Variants in DGCR8 observed in about 807,000 individuals in gnomAD.
DGCR8 encodes the protein DGCR8 microprocessor complex subunit, also known as microprocessor complex subunit DGCR8.
In DGCR8, 14 loss-of-function variants were observed where a neutral mutation model predicts 78.5. The ratio of observed to expected loss-of-function variants is 0.18; its 90% CI spans 0.12 to 0.28. The LOEUF is 0.28. Ranked by LOEUF, DGCR8 falls within the 10% of genes least tolerant of loss-of-function variation. DGCR8 has a pLI of 1.00. For synonymous variants in DGCR8, 399 were observed against 402.4 expected (o/e 0.99, Z 0.10); for missense variants, 702 against 1,022.5 (o/e 0.69, Z 4.28).
At chr22:20,083,512 C>T (rs1242418723) in intron 1 of DGCR8, among the ~76,000 whole-genome samples, 1 of 152,056 alleles carries the variant, frequency 6.6e-6, no homozygotes, top group African/African-American at 2.4e-5. Context: ...GGCTTTCCTG[C>T]TGTGCATTTC....
At chr22:20,091,320 A>G (rs1273733991) in intron 5 of DGCR8, 115 bp from the exon 6 acceptor site, 1 of 1,021,802 alleles carries the variant, frequency 9.8e-7, no homozygotes, top group Non-Finnish European at 1.5e-6. Context: ...TTTGAAAGGG[A>G]CGGGGAAAGG....
At chr22:20,106,776 T>G in intron 11 of DGCR8, 78 bp downstream of exon 11, 1 of 1,004,568 alleles carries the variant, frequency 1.0e-6, no homozygotes, top group Non-Finnish European at 1.6e-6. Context: ...TGTGGCTTGG[T>G]CTCAGCTGTT....
At chr22:20,094,394 C>A (rs1374075232) in intron 8 of DGCR8, among the ~76,000 whole-genome samples, 1 of 152,228 alleles carries the variant, frequency 6.6e-6, no homozygotes, top group African/African-American at 2.4e-5. Context: ...GTCCAGGGCC[C>A]GCAAAGCTGT....
chr22:20,089,991 C>T lies in DGCR8; in HGVS notation c.1039C>T (p.Leu347=). Residue 347 remains leucine, a synonymous_variant, in exon 5 of 14, where the codon CTG becomes TTG. Coordinates refer to ENST00000351989, the MANE Select transcript of DGCR8 (RefSeq NM_022720.7). This position sits in a 1 kb window ranked among gnomAD's most constrained non-coding sequence, Gnocchi z 4.9. ...CTATCCACAGAAACACGACCCTCCTCTGAGTAGCATCCCTTGTCTGCATTA... is the reference window on the plus strand; with the variant it reads ...CTATCCACAGAAACACGACCCTCCTTTGAGTAGCATCCCTTGTCTGCATTA... ...TGSIRKHDPP[L]SSIPCLHYKK... The T allele has an allele frequency of 6.2e-7, 1 of 1,612,056 alleles. No individual in the cohort carries two copies. Among genetic ancestry groups the T allele is most frequent in the Non-Finnish European group, 8.5e-7 (1 of 1,178,830 alleles).
intron 8 of DGCR8, 143 bp downstream of exon 8, chr22:20,093,050 G>C: frequency 1.7e-6 from 1 of 603,354 alleles, no homozygotes; most frequent in Non-Finnish European, 2.8e-6. Flanking sequence ...CATCTACTTT[G>C]ATTTTTAAAA....
At chr22:20,108,856 T>C (rs773926824) in intron 12 of DGCR8, 34 bp from the exon 13 acceptor site, 1 of 1,150,114 alleles carries the variant, frequency 8.7e-7, no homozygotes, top group Admixed American at 1.7e-5. Flanking sequence ...AGCTACAGCC[T>C]GCAGTCCTGA....
intron 9 of DGCR8, chr22:20,100,479 A>G (rs1443046626): frequency 4.1e-6 from 4 of 985,226 alleles, no homozygotes; most frequent in South Asian, 4.7e-5. Flanking sequence ...AACTCTTAGT[A>G]TGGGTTGCTG....
chr22:20,087,445 G>A lies in DGCR8; in HGVS notation c.880+124G>A. ...TGGGCTGGGTGGAGGCATGTTTGAG[G>A]ACAGGACAGAAATATCTGAGGAGGG... On this transcript the variant is annotated intron_variant, in intron 3 of 13. Transcript: ENST00000351989. This position sits in a 1 kb window ranked among gnomAD's most constrained non-coding sequence, Gnocchi z 4.1. 8.9e-7 allele frequency: 1 copy of A among 1,121,232 alleles called. No individual in the cohort carries two copies. The highest frequency in any genetic ancestry group is 1.2e-6 in the Non-Finnish European group (1 of 801,666). The allele number at this position is 1,121,232 out of a possible 1,614,324, so 69.5% of individuals were successfully genotyped here. A position where few individuals can be genotyped will look rare whatever the true frequency, so the allele number is the denominator to read the frequency against.
chr22:20,108,652 G>T, intron 12 of DGCR8: 1 of 396,178 alleles, frequency 2.5e-6, no homozygotes, highest in Admixed American at 3.7e-5. Context: ...GCGTGGTGTG[G>T]GCAGAAAGGC....
chr22:20,106,506 C>A, intron 10 of DGCR8, 86 bp from the exon 11 acceptor site: 1 of 1,047,294 alleles, frequency 9.5e-7, no homozygotes. Flanking sequence ...TGGTCATTTC[C>A]TAAGGGCTTC....
intron 5 of DGCR8, among the ~76,000 whole-genome samples, chr22:20,090,948 T>C (rs1026337053): frequency 6.6e-6 from 1 of 152,134 alleles, no homozygotes; most frequent in Admixed American, 6.5e-5. Flanking sequence ...GGGCTGTTGC[T>C]GAGGATGGGG....
Position 20,095,577 on chromosome 22 carries a change from A to T in DGCR8, c.1788+782A>T, listed in dbSNP as rs191984647. ...CCAGTAACAAACAATTGATTAATAC[A>T]TATTTTGTTATGTACATATTACTAC... is the stretch of plus-strand genomic sequence containing the variant. On this transcript the variant is annotated intron_variant, in intron 9 of 13. Coordinates refer to ENST00000351989, the MANE Select transcript of DGCR8 (RefSeq NM_022720.7). Among the ~76,000 whole-genome samples, 399 of 152,210 alleles carry T rather than the reference A, an allele frequency of 2.6e-3. 4 individuals are homozygous for T. The highest frequency in any genetic ancestry group is 3.6e-3 in the Non-Finnish European group (242 of 68,020).
intron 9 of DGCR8, among the ~76,000 whole-genome samples, chr22:20,103,038 A>G (rs886828235): frequency 9.9e-5 from 15 of 152,150 alleles, no homozygotes; most frequent in Admixed American, 9.8e-4. Context: ...AGGCTGAGGC[A>G]GGAGAATCGC....
intron 8 of DGCR8, among the ~76,000 whole-genome samples, chr22:20,094,508 G>A (rs910172320): frequency 1.3e-5 from 2 of 152,196 alleles, no homozygotes; most frequent in Admixed American, 6.5e-5. Context: ...AGTGTGGCCC[G>A]TGAGGCTTTC....
Position 20,087,033 on chromosome 22 carries a change from C to T in DGCR8, c.721-129C>T. The T allele has an allele frequency of 8.1e-7, 1 of 1,236,006 alleles. No homozygotes were observed. The allele number at this position is 1,236,006 out of a possible 1,614,324, so 76.6% of individuals were successfully genotyped here. A position where few individuals can be genotyped will look rare whatever the true frequency, so the allele number is the denominator to read the frequency against. ...GTTTGTTTTTCAGATGATCATGCAC[C>T]CTAAGGGCACATCTAGGCCCCCTGA... On this transcript the variant is annotated intron_variant, in intron 2 of 13. Transcript: ENST00000351989. This position sits in a 1 kb window ranked among gnomAD's most constrained non-coding sequence, Gnocchi z 4.1.
At position 20,094,151 on chromosome 22, in the gene DGCR8, A is replaced by G. The variant is rs1037135529; in HGVS notation, c.1706-562A>G. Among the ~76,000 whole-genome samples the G allele has an allele frequency of 3.3e-5, 5 of 152,140 alleles. No individual in the cohort carries two copies. In the South Asian group the frequency reaches 6.2e-4, roughly 19 times the overall value. On this transcript the variant is annotated intron_variant, in intron 8 of 13. Transcript: ENST00000351989. ...CCTTGCCCAGACTCTTGGCTGCCCT[A>G]TAGACAGCTTGGCTCCATGTCTTGC...
chr22:20,110,155 G>T lies in DGCR8; in HGVS notation c.*47G>T. 6.4e-7 allele frequency: 1 copy of T among 1,574,080 alleles called. No homozygotes were observed. Among genetic ancestry groups the T allele is most frequent in the Non-Finnish European group, 8.6e-7 (1 of 1,156,876 alleles). ...CGCGGGGGCCGCCAGCCGCACTTCTGAGGAGACCAGCAGTCATGCATCGTG... is the reference window on the plus strand; with the variant it reads ...CGCGGGGGCCGCCAGCCGCACTTCTTAGGAGACCAGCAGTCATGCATCGTG... On this transcript the variant is annotated 3_prime_UTR_variant, in exon 14 of 14. Coordinates refer to ENST00000351989, the MANE Select transcript of DGCR8 (RefSeq NM_022720.7).
intron 13 of DGCR8, 112 bp from the exon 14 acceptor site, chr22:20,109,913 G>A: frequency 9.7e-7 from 1 of 1,027,522 alleles, no homozygotes; most frequent in Non-Finnish European, 1.5e-6. Context: ...GGTGCCGTTG[G>A]GGCTCCAGGG....
intron 5 of DGCR8, 71 bp from the exon 6 acceptor site, chr22:20,091,364 C>G: frequency 6.7e-7 from 1 of 1,495,570 alleles, no homozygotes; most frequent in South Asian, 1.1e-5. Flanking sequence ...CTGCCCCATG[C>G]ACTGGGCTGT....
Sources: gnomAD v4.1 joint callset for allele counts (sites outside exome capture counted in the v4.1 genomes callset) on GRCh38, gnomAD v4.1.1 for gene constraint, Gnocchi (gnomAD v3.1) non-coding constraint, MANE v1.5 for transcripts, NCBI Gene and HGNC (gene_info 2026-07-23, HGNC 2026-07-21) for gene names.